Variants in SEMA5B observed in about 807,000 individuals in gnomAD.
SEMA5B encodes the protein semaphorin 5B.
A neutral mutation model predicts 135.0 loss-of-function variants in SEMA5B; 66 were observed. The observed-to-expected ratio is 0.49, with a 90% CI of 0.40 to 0.60. SEMA5B has a LOEUF of 0.60. Ranked by LOEUF, SEMA5B falls within the 20% of genes least tolerant of loss-of-function variation. The probability of loss-of-function intolerance (pLI) is 0.00; values close to 1 mark genes in which losing one functional copy is unlikely to be tolerated. For missense variants in SEMA5B, 1,501 were observed against 1,566.3 expected, an observed-to-expected ratio of 0.96 and a Z score of 0.70; for synonymous variants, 690 against 639.5, an observed-to-expected ratio of 1.08 and a Z score of -1.19.
At chr3:122,939,815 C>A (rs190109531) in intron 4 of SEMA5B, among the ~76,000 whole-genome samples, 1 of 152,332 alleles carries the variant, frequency 6.6e-6, no homozygotes, top group East Asian at 1.9e-4. Context: ...AACCCCTTGA[C>A]CCCACCTTTT....
intron 1 of SEMA5B, among the ~76,000 whole-genome samples, chr3:122,980,975 T>C (rs1287938919): frequency 6.6e-6 from 1 of 152,262 alleles, no homozygotes; most frequent in Non-Finnish European, 1.5e-5. Context: ...TTATCCACGT[T>C]GTAGCATGTA....
intron 1 of SEMA5B, among the ~76,000 whole-genome samples, chr3:122,996,114 T>C (rs1171280514): frequency 6.6e-6 from 1 of 152,174 alleles, no homozygotes; most frequent in East Asian, 1.9e-4. Context: ...GACACCAACT[T>C]GGATGGGCGC....
chr3:123,026,282 C>G (rs975200886), intron 1 of SEMA5B, among the ~76,000 whole-genome samples: 1 of 152,224 alleles, frequency 6.6e-6, no homozygotes, highest in Non-Finnish European at 1.5e-5. Flanking sequence ...GGTAGCCCGC[C>G]CTCCCGGCTC....
At chr3:123,014,168 G>T (rs934787436) in intron 1 of SEMA5B, among the ~76,000 whole-genome samples, 1 of 152,218 alleles carries the variant, frequency 6.6e-6, no homozygotes, top group Non-Finnish European at 1.5e-5. Flanking sequence ...GCGGCTGGGA[G>T]GCCTCCAGTG....
At chr3:122,990,435 TAGCAGC>T (rs745521177) in intron 1 of SEMA5B, among the ~76,000 whole-genome samples, 1 of 151,748 alleles carries the variant, frequency 6.6e-6, no homozygotes, top group Non-Finnish European at 1.5e-5. Context: ...GGAGAGGGTG[TAGCAGC>T]AGCAGCAGCA....
In SEMA5B at chr3:122,929,210, C is replaced by T. The variant is rs1938820436; in HGVS notation, c.475-152G>A. 2.2e-5 allele frequency: 16 copies of T among 725,484 alleles called. No homozygotes were observed. In the South Asian group the frequency reaches 2.8e-4, roughly 13 times the overall value. 44.9% of individuals were successfully genotyped at this position (725,484 alleles called of 1,614,324 possible). On this transcript the variant is annotated intron_variant, in intron 5 of 22. Transcript: ENST00000357599. ...GGGTGAGGGCTCCTCTCACTACATCCACATGGACGTGGGAGGGCTCCCAAT... is the reference window on the plus strand; with the variant it reads ...GGGTGAGGGCTCCTCTCACTACATCTACATGGACGTGGGAGGGCTCCCAAT...
At chr3:123,018,285 G>T (rs1289028119) in intron 1 of SEMA5B, among the ~76,000 whole-genome samples, 1 of 152,238 alleles carries the variant, frequency 6.6e-6, no homozygotes, top group East Asian at 1.9e-4. Context: ...GAAAACCTAG[G>T]TTCCTGTACT....
chr3:122,982,807 T>G (rs1054726291), intron 1 of SEMA5B, among the ~76,000 whole-genome samples: 2 of 152,170 alleles, frequency 1.3e-5, no homozygotes, highest in African/African-American at 2.4e-5. Flanking sequence ...ACTGCCCCAT[T>G]TCCTCCAGGC....
chr3:122,916,157 A>G (rs958243716), intron 12 of SEMA5B, among the ~76,000 whole-genome samples: 1 of 152,218 alleles, frequency 6.6e-6, no homozygotes. Context: ...GACCTGACCC[A>G]GGACTCAAAC....
chr3:122,918,618 A>G (rs1938192106), intron 12 of SEMA5B, among the ~76,000 whole-genome samples: 1 of 152,190 alleles, frequency 6.6e-6, no homozygotes. Context: ...CCTTTCTCCA[A>G]GCCCTCTCAC....
In SEMA5B at chr3:122,927,988, G is replaced by C; in HGVS notation, c.652C>G (p.Arg218Gly). ...CTSRQVGNLS[R>G]TIEKINGVAR... ...ACACCATTGATCTTCTCAATAGTCC[G>C]GCTGAGGTTCCCCACCTGGGGACAA... The change falls in exon 8 of 23, where the codon CGG becomes GGG. Residue 218 changes from arginine (R) to glycine (G), a missense_variant. Transcript: ENST00000357599. The C allele has an allele frequency of 1.4e-6, 2 of 1,476,720 alleles. No homozygotes were observed. The highest frequency in any genetic ancestry group is 1.8e-6 in the Non-Finnish European group (2 of 1,108,424). 91.5% of individuals were successfully genotyped at this position (1,476,720 alleles called of 1,614,324 possible).
At chr3:122,939,373 G>T (rs143125210) in intron 5 of SEMA5B, 52 bp downstream of exon 5, 2 of 1,446,628 alleles carry the variant, frequency 1.4e-6, no homozygotes, top group African/African-American at 1.4e-5. Flanking sequence ...CCCTGCCTTG[G>T]GCTCTGGAAT....
chr3:122,981,245 G>A (rs933282211), intron 1 of SEMA5B, among the ~76,000 whole-genome samples: 16 of 152,160 alleles, frequency 1.1e-4, no homozygotes, highest in South Asian at 2.1e-4. Flanking sequence ...GACACCTGAA[G>A]AGCTGGTCAT....
chr3:122,962,427 C>A (rs1275983020), intron 1 of SEMA5B, among the ~76,000 whole-genome samples: 1 of 152,050 alleles, frequency 6.6e-6, no homozygotes, highest in Admixed American at 6.5e-5. Flanking sequence ...GAGGGAGGAG[C>A]AGAGATGTGG....
At chr3:122,926,329 G>T (rs1343259340) in intron 9 of SEMA5B, 63 bp downstream of exon 9, 2 of 1,494,674 alleles carry the variant, frequency 1.3e-6, no homozygotes, top group African/African-American at 2.8e-5. Context: ...AAGCCCACCA[G>T]GCCATGAGGC....
rs746322732 is a variant in SEMA5B, at chr3:122,926,374, G to A, written c.1136+18C>T. The A allele has an allele frequency of 1.4e-5, 23 of 1,598,464 alleles. No individual in the cohort carries two copies. The highest frequency in any genetic ancestry group is 1.9e-5 in the Non-Finnish European group (22 of 1,169,326). ...TCCTGACATCACAGGCAAGGGGCTG[G>A]CAGAGGGCAGGACTCACACGTTGGT... On this transcript the variant is annotated intron_variant, in intron 9 of 22. Coordinates refer to ENST00000357599, the MANE Select transcript of SEMA5B (RefSeq NM_001031702.4).
chr3:122,942,997 G>A (rs1047565997), intron 4 of SEMA5B, among the ~76,000 whole-genome samples: 23 of 152,240 alleles, frequency 1.5e-4, no homozygotes, highest in Non-Finnish European at 2.8e-4. Flanking sequence ...CCAAAGGTAG[G>A]TGAGGTCCTT....
intron 5 of SEMA5B, among the ~76,000 whole-genome samples, chr3:122,939,075 C>G (rs58392925): frequency 0.25 from 38,277 of 152,152 alleles, 4,860 homozygotes; most frequent in East Asian, 0.33. Context: ...CCAGTTTGCC[C>G]AGTATTGTCC....
chr3:122,923,773 G>A (rs770142402), intron 9 of SEMA5B, 21 bp from the exon 10 acceptor site: 27 of 1,613,618 alleles, frequency 1.7e-5, no homozygotes, highest in Middle Eastern at 1.7e-4. Flanking sequence ...AGAAGTGGTG[G>A]CACAGGGCCC....
Sources: gnomAD v4.1 joint callset for allele counts (sites outside exome capture counted in the v4.1 genomes callset) on GRCh38, gnomAD v4.1.1 for gene constraint, MANE v1.5 for transcripts, NCBI Gene and HGNC (gene_info 2026-07-23, HGNC 2026-07-21) for gene names.